BAZ2B: variants seen among roughly 807,000 people sequenced by gnomAD.
BAZ2B encodes bromodomain adjacent to zinc finger domain 2B, also known as bromodomain adjacent to zinc finger domain protein 2B.
BAZ2B carries 91 observed loss-of-function variants against 246.0 expected under a neutral mutation model. The observed-to-expected ratio is 0.37, with a 90% CI of 0.31 to 0.44. BAZ2B has a LOEUF of 0.44. BAZ2B is among the 20% of genes least tolerant of loss of function. The pLI is 1.00. For missense variants in BAZ2B, 2,332 were observed against 2,533.7 expected (o/e 0.92, Z 1.71); for synonymous variants, 855 against 860.0 (o/e 0.99, Z 0.10).
chr2:159,352,493 T>C (rs183241496), intron 27 of BAZ2B, among the ~76,000 whole-genome samples: 1 of 152,014 alleles, frequency 6.6e-6, no homozygotes, highest in East Asian at 1.9e-4. Flanking sequence ...TATCTTTTTT[T>C]TTTTTTTTCT....
upstream of BAZ2B, among the ~76,000 whole-genome samples, chr2:159,621,373 A>C (rs541385157): frequency 2.0e-5 from 3 of 152,324 alleles, no homozygotes; most frequent in East Asian, 5.8e-4. Flanking sequence ...GACGCTTCTG[A>C]TAAACATCCC....
chr2:159,698,947 TACTTA>T, the BAZ2B span, among the ~76,000 whole-genome samples: 2 of 152,244 alleles, frequency 1.3e-5, no homozygotes, highest in Non-Finnish European at 2.9e-5. Flanking sequence ...AGATAATTAC[TACTTA>T]ACTTCTTTAA....
chr2:159,527,789 A>G (rs940883216), intron 2 of BAZ2B, among the ~76,000 whole-genome samples: 1 of 152,196 alleles, frequency 6.6e-6, no homozygotes, highest in Non-Finnish European at 1.5e-5. Context: ...ACACAAATAT[A>G]TATTTTTATT....
chr2:159,602,623 T>C (rs555173509), intron 1 of BAZ2B, among the ~76,000 whole-genome samples: 2 of 152,158 alleles, frequency 1.3e-5, no homozygotes, highest in African/African-American at 2.4e-5. Flanking sequence ...AGTTGTAGGA[T>C]TGAAACAGGC....
At chr2:159,640,737 T>G in the BAZ2B span, among the ~76,000 whole-genome samples, 6 of 151,790 alleles carry the variant, frequency 4.0e-5, no homozygotes, top group Admixed American at 1.3e-4. Flanking sequence ...AGTACCTATA[T>G]CAAAAAGAAG....
Position 159,438,617 on chromosome 2 carries a change from G to C in BAZ2B, c.979C>G (p.Gln327Glu). The C allele has an allele frequency of 6.2e-7, 1 of 1,613,930 alleles. No homozygotes were observed. Among genetic ancestry groups the C allele is most frequent in the Non-Finnish European group, 8.5e-7 (1 of 1,179,952 alleles). ...TEKAQEKRIH[Q>E]PLPLASESQT... ...GATTCAGACGCAAGAGGTAATGGCT[G>C]GTGTATTCTTTTTTCCTGGGCTTTT... The change falls in exon 8 of 37, where the codon CAG becomes GAG. Residue 327 changes from glutamine (Q) to glutamate (E), a missense_variant. This residue lies in a region of BAZ2B where 161 missense variants were observed against 225.8 expected (regional missense o/e 0.71). Transcript: ENST00000392783.
chr2:159,447,008 G>T, intron 5 of BAZ2B, 33 bp from the exon 6 acceptor site: 1 of 1,411,004 alleles, frequency 7.1e-7, no homozygotes, highest in African/African-American at 1.4e-5. Context: ...TTTATACAAT[G>T]GAATATTATT....
At chr2:159,601,732 A>C (rs549695942) in intron 1 of BAZ2B, among the ~76,000 whole-genome samples, 2 of 152,206 alleles carry the variant, frequency 1.3e-5, no homozygotes, top group Non-Finnish European at 2.9e-5. Flanking sequence ...AAAATAAAAA[A>C]AAAGATAGAA....
intron 2 of BAZ2B, among the ~76,000 whole-genome samples, chr2:159,546,626 T>G (rs1265366609): frequency 6.6e-6 from 1 of 151,572 alleles, no homozygotes; most frequent in African/African-American, 2.4e-5. Context: ...TGTTCTTTTC[T>G]CATTAGACTA....
At chr2:159,705,619 T>G in the BAZ2B span, among the ~76,000 whole-genome samples, 3 of 152,200 alleles carry the variant, frequency 2.0e-5, no homozygotes, top group Non-Finnish European at 4.4e-5. Flanking sequence ...GGCTATCTAT[T>G]GAGAAGACAA....
intron 2 of BAZ2B, among the ~76,000 whole-genome samples, chr2:159,509,842 T>C (rs976210013): frequency 6.6e-6 from 1 of 152,172 alleles, no homozygotes; most frequent in Admixed American, 6.5e-5. Context: ...CACAAATATA[T>C]GTATATATGT....
At chr2:159,507,737 G>A (rs1365268108) in intron 2 of BAZ2B, among the ~76,000 whole-genome samples, 5 of 152,104 alleles carry the variant, frequency 3.3e-5, no homozygotes, top group Admixed American at 3.3e-4. Flanking sequence ...GACAAAGTGG[G>A]TAAGAGTTAT....
chr2:159,467,693 A>ACGG (rs1553642857), intron 3 of BAZ2B, among the ~76,000 whole-genome samples: 3 of 123,650 alleles, frequency 2.4e-5, no homozygotes, highest in Admixed American at 7.7e-5. Flanking sequence ...ACTGCTGGTA[A>ACGG]TGGTGGAGTG....
chr2:159,548,579 A>C (rs2087697282), intron 2 of BAZ2B, among the ~76,000 whole-genome samples: 1 of 152,222 alleles, frequency 6.6e-6, no homozygotes, highest in Admixed American at 6.5e-5. Flanking sequence ...TGGATAAATA[A>C]ATATTAGCTT....
At chr2:159,337,275 G>A (rs918822409) in intron 32 of BAZ2B, among the ~76,000 whole-genome samples, 198 bp from the exon 33 acceptor site, 1 of 152,142 alleles carries the variant, frequency 6.6e-6, no homozygotes, top group Non-Finnish European at 1.5e-5. Context: ...CCAGGTAGAT[G>A]TAAGATCACT....
the BAZ2B span, among the ~76,000 whole-genome samples, chr2:159,662,788 T>A: frequency 6.6e-6 from 1 of 152,016 alleles, no homozygotes; most frequent in Non-Finnish European, 1.5e-5. Context: ...TGCCTCAGCC[T>A]CCCAAAGTGC....
intron 1 of BAZ2B, among the ~76,000 whole-genome samples, chr2:159,587,897 TAAC>T (rs1031836206): frequency 7.0e-6 from 1 of 143,608 alleles, no homozygotes; most frequent in African/African-American, 2.6e-5. Flanking sequence ...AAACAAAAAA[TAAC>T]AAAAAAAGGC....
Position 159,350,048 on chromosome 2 carries a change from A to T in BAZ2B, c.4523T>A (p.Leu1508Gln). 1.2e-6 allele frequency: 2 copies of T among 1,614,186 alleles called. No homozygotes were observed. The highest frequency in any genetic ancestry group is 1.7e-6 in the Non-Finnish European group (2 of 1,180,018). The change falls in exon 28 of 37, where the codon CTG (leucine) becomes CAG (glutamine). Residue 1508 changes from leucine (L) to glutamine (Q), a missense_variant. By Grantham distance (113) the Leu-to-Gln change is moderately radical (BLOSUM62 -2). Around this residue, in one of 9 missense-constraint regions of BAZ2B, gnomAD observed 676 missense variants for 668.6 expected, o/e 1.01. Coordinates refer to ENST00000392783, the MANE Select transcript of BAZ2B (RefSeq NM_013450.4). ...CGTTGCTGTTGACTGAACGCTGCCC[A>T]GTGAATGTTTTCCACTGTTCTGATA... ...LSYQNSGKHSLGSVQSTATQS... is the reference protein window; with the variant it reads ...LSYQNSGKHSQGSVQSTATQS...
chr2:159,496,531 C>G (rs1196010311), intron 2 of BAZ2B, among the ~76,000 whole-genome samples: 1 of 145,684 alleles, frequency 6.9e-6, no homozygotes, highest in African/African-American at 2.5e-5. Flanking sequence ...ATGCCTTAAT[C>G]CCAGCACTTT....
Sources: allele counts gnomAD v4.1 joint callset (sites outside exome capture counted in the v4.1 genomes callset), GRCh38; gene constraint gnomAD v4.1.1; regional missense constraint gnomAD v4.1.1; transcripts MANE v1.5; gene names NCBI Gene and HGNC (gene_info 2026-07-23, HGNC 2026-07-21).